Variants in SETD7 observed in about 807,000 individuals in gnomAD.
The protein encoded by SETD7 is histone-lysine N-methyltransferase SETD7.
SETD7 carries 16 observed loss-of-function variants against 41.8 expected under a neutral mutation model. The observed-to-expected ratio is 0.38, with a 90% confidence interval of 0.26 to 0.58. The LOEUF (loss-of-function observed/expected upper bound fraction) is 0.58, where lower values mean the gene tolerates loss of function less well. Among genes scored for constraint, SETD7 ranks in the 20% least tolerant of loss-of-function variants. The pLI is 0.64. For synonymous variants in SETD7, 163 were observed against 169.7 expected (o/e 0.96, Z 0.31); for missense variants, 346 against 459.7 (o/e 0.75, Z 2.26).
At chr4:139,525,930 A>C (rs17346734) in intron 4 of SETD7, among the ~76,000 whole-genome samples, 2 of 152,100 alleles carry the variant, frequency 1.3e-5, no homozygotes, top group Non-Finnish European at 1.5e-5. Context: ...CAACATTTCA[A>C]AACACCTGAG....
downstream of SETD7, among the ~76,000 whole-genome samples, chr4:139,505,014 G>A (rs1166464797): frequency 1.3e-5 from 2 of 152,144 alleles, no homozygotes; most frequent in Non-Finnish European, 2.9e-5. Context: ...TGTCTGTGCA[G>A]GTGGAAAAGC....
chr4:139,503,377 G>A (rs577026807), downstream of SETD7, among the ~76,000 whole-genome samples: 219 of 151,932 alleles, frequency 1.4e-3, no homozygotes, highest in Non-Finnish European at 2.6e-3. Flanking sequence ...GCTCCCATAA[G>A]TATGGTTAGG....
At chr4:139,520,906 G>A (rs1727160961) in intron 5 of SETD7, among the ~76,000 whole-genome samples, 1 of 152,212 alleles carries the variant, frequency 6.6e-6, no homozygotes, top group South Asian at 2.1e-4. Flanking sequence ...GTTCATAACA[G>A]GGGTCAGTTA....
chr4:139,502,513 G>GGTGGGT (rs1372403986), downstream of SETD7, among the ~76,000 whole-genome samples: 1 of 152,198 alleles, frequency 6.6e-6, no homozygotes, highest in Non-Finnish European at 1.5e-5. Context: ...ACTGCAAGGG[G>GGTGGGT]GTGGGTGTGG....
intron 3 of SETD7, 163 bp downstream of exon 3, chr4:139,533,002 G>C (rs1727531247): frequency 1.6e-6 from 1 of 636,278 alleles, no homozygotes; most frequent in Admixed American, 2.5e-5. Context: ...TAAGCCAATA[G>C]TGAGTAACAG....
At chr4:139,503,954 G>C (rs1391744581), downstream of SETD7, among the ~76,000 whole-genome samples, 3 of 152,182 alleles carry the variant, frequency 2.0e-5, no homozygotes, top group Non-Finnish European at 4.4e-5. Flanking sequence ...GGCCAAATTG[G>C]CTGTGATGGC....
chr4:139,509,600 G>T lies in SETD7; in HGVS notation c.*2063C>A. ...TATCCTCTCCCTGACCGTATTCCCT[G>T]ACCTGGCTGCACAACCCACTTGATC... On this transcript the variant is annotated 3_prime_UTR_variant, in exon 8 of 8. Coordinates refer to ENST00000274031, the MANE Select transcript of SETD7 (RefSeq NM_030648.4). 1 of 610,820 alleles carries T rather than the reference G, an allele frequency of 1.6e-6. No individual in the cohort carries two copies. The highest frequency in any genetic ancestry group is 2.1e-6 in the Non-Finnish European group (1 of 487,714). 37.8% of individuals were successfully genotyped at this position (610,820 alleles called of 1,614,324 possible). A position where few individuals can be genotyped will look rare whatever the true frequency, so the allele number is the denominator to read the frequency against.
Position 139,547,045 on chromosome 4 carries a change from G to A in SETD7, c.45C>T (p.His15=), listed in dbSNP as rs865946337. The A allele has an allele frequency of 1.9e-6, 3 of 1,613,882 alleles. No homozygotes were observed. The Middle Eastern group carries it at 5.0e-4, about 266-fold the overall frequency. ...DEMVEEAVEG[H]LDDDGLPHGF... ...CGTGCGGTAATCCGTCATCGTCCAG[G>A]TGCCCTGGAGAAAGGGAACCACAAG... The change falls in exon 2 of 8, where the codon CAC becomes CAT. Residue 15 remains histidine, a synonymous_variant. Transcript: ENST00000274031.
intron 2 of SETD7, chr4:139,546,190 T>C (rs748797604): frequency 6.5e-6 from 1 of 154,014 alleles, no homozygotes; most frequent in Non-Finnish European, 1.4e-5. Flanking sequence ...TGGAAAATCA[T>C]AGTTCTGACA....
chr4:139,554,516 T>C (rs941149865), intron 1 of SETD7, among the ~76,000 whole-genome samples: 9 of 152,216 alleles, frequency 5.9e-5, no homozygotes, highest in Non-Finnish European at 7.3e-5. Flanking sequence ...TTTCACAACA[T>C]GGAGGCACAA....
intron 7 of SETD7, among the ~76,000 whole-genome samples, chr4:139,500,922 C>T (rs1018465827): frequency 2.0e-5 from 3 of 152,164 alleles, no homozygotes; most frequent in Non-Finnish European, 4.4e-5. Flanking sequence ...TGGCCTCCTG[C>T]GCTTCCCTGA....
chr4:139,528,722 C>T (rs1171079061), intron 4 of SETD7, among the ~76,000 whole-genome samples: 5 of 152,172 alleles, frequency 3.3e-5, no homozygotes, highest in Non-Finnish European at 7.3e-5. Flanking sequence ...CCCACATTGC[C>T]ATTGTCCCTT....
chr4:139,501,615 A>C (rs536656319), downstream of SETD7, among the ~76,000 whole-genome samples: 109 of 151,366 alleles, frequency 7.2e-4, 2 homozygotes, highest in South Asian at 5.4e-3. Flanking sequence ...TCAAAAAAAA[A>C]CCCCAAATAA....
Position 139,511,611 on chromosome 4 carries a change from T to C in SETD7, c.*52A>G. On this transcript the variant is annotated 3_prime_UTR_variant, in exon 8 of 8. Coordinates refer to ENST00000274031, the MANE Select transcript of SETD7 (RefSeq NM_030648.4). ...TTGTCCCATTGTCAGATAAACGTAG[T>C]GCATAGATCCAAGTTTCTATTCCAG... The C allele has an allele frequency of 6.2e-7, 1 of 1,610,166 alleles. No individual in the cohort carries two copies. Among genetic ancestry groups the C allele is most frequent in the African/African-American group, 1.3e-5 (1 of 74,700 alleles).
intron 7 of SETD7, among the ~76,000 whole-genome samples, chr4:139,515,140 C>T (rs951646213): frequency 7.5e-5 from 10 of 132,730 alleles, no homozygotes; most frequent in Non-Finnish European, 1.4e-4. Flanking sequence ...CACCTCTAGC[C>T]TGGGCAACAA....
At chr4:139,538,503 T>C (rs1283887247) in intron 2 of SETD7, among the ~76,000 whole-genome samples, 1 of 152,126 alleles carries the variant, frequency 6.6e-6, no homozygotes, top group Non-Finnish European at 1.5e-5. Context: ...TTAATGTTTG[T>C]ATTTTTAGTA....
chr4:139,537,781 G>A (rs1354618073), intron 2 of SETD7, among the ~76,000 whole-genome samples: 1 of 152,210 alleles, frequency 6.6e-6, no homozygotes, highest in African/African-American at 2.4e-5. Context: ...TTATTCAAGT[G>A]CAGGGAGCAT....
intron 2 of SETD7, among the ~76,000 whole-genome samples, chr4:139,539,035 G>A (rs1252553919): frequency 6.6e-6 from 1 of 152,070 alleles, no homozygotes; most frequent in African/African-American, 2.4e-5. Context: ...ATTTTATTCA[G>A]ATATTGCTGT....
intron 7 of SETD7, among the ~76,000 whole-genome samples, chr4:139,498,381 C>T (rs758857698): frequency 1.1e-4 from 17 of 152,154 alleles, no homozygotes; most frequent in Non-Finnish European, 2.1e-4. Context: ...TAAAGACAGC[C>T]GGTACACCCC....
Sources: allele counts gnomAD v4.1 joint callset (sites outside exome capture counted in the v4.1 genomes callset), GRCh38; gene constraint gnomAD v4.1.1; transcripts MANE v1.5; gene names NCBI Gene and HGNC (gene_info 2026-07-23, HGNC 2026-07-21).